MMD2: variants seen among roughly 807,000 people sequenced by gnomAD.
MMD2 encodes the protein monocyte to macrophage differentiation factor 2.
In MMD2, 30 loss-of-function variants were observed where a neutral mutation model predicts 33.5. The ratio of observed to expected loss-of-function variants is 0.90; its 90% confidence interval spans 0.67 to 1.22. The LOEUF (loss-of-function observed/expected upper bound fraction) is 1.22, where lower values mean the gene tolerates loss of function less well. Among genes scored for constraint, MMD2 ranks in the 50% most tolerant of loss-of-function variants. MMD2 has a pLI of 0.00. For missense variants in MMD2, 364 were observed against 325.4 expected, an observed-to-expected ratio of 1.12 and a Z score of -0.91; for synonymous variants, 129 against 123.0, an observed-to-expected ratio of 1.05 and a Z score of -0.32.
At chr7:4,931,633 T>A (rs552002307) in intron 1 of MMD2, among the ~76,000 whole-genome samples, 6 of 152,132 alleles carry the variant, frequency 3.9e-5, no homozygotes, top group Admixed American at 6.6e-5. Context: ...TCTCACTGTG[T>A]TGCTCAGGCT....
chr7:4,916,775 C>T (rs998408890), intron 3 of MMD2, among the ~76,000 whole-genome samples: 1 of 152,038 alleles, frequency 6.6e-6, no homozygotes, highest in Non-Finnish European at 1.5e-5. Context: ...ATTCTGTGGA[C>T]AAAGTGCAAA....
intron 6 of MMD2, among the ~76,000 whole-genome samples, chr7:4,908,681 G>A (rs1784926094): frequency 2.0e-5 from 3 of 151,388 alleles, no homozygotes. Flanking sequence ...GGCGGATCAC[G>A]AGGTCAGGAG....
At chr7:4,954,126 CCAGA>C (rs1786324105) in intron 1 of MMD2, among the ~76,000 whole-genome samples, 1 of 152,272 alleles carries the variant, frequency 6.6e-6, no homozygotes, top group Non-Finnish European at 1.5e-5. Context: ...GCCACTGCAC[CCAGA>C]CAGTTAGGCT....
At chr7:4,917,067 G>A (rs1785160143) in intron 3 of MMD2, among the ~76,000 whole-genome samples, 1 of 151,726 alleles carries the variant, frequency 6.6e-6, no homozygotes, top group Admixed American at 6.6e-5. Context: ...GCTAGATCCT[G>A]TCTCAAAAAA....
the MMD2 span, among the ~76,000 whole-genome samples, chr7:4,897,019 C>T: frequency 6.6e-6 from 1 of 151,914 alleles, no homozygotes; most frequent in Admixed American, 6.6e-5. Context: ...ACAACCACAG[C>T]CGGCTAATTT....
intron 1 of MMD2, among the ~76,000 whole-genome samples, chr7:4,951,811 A>T (rs544343117): frequency 1.8e-4 from 27 of 152,140 alleles, no homozygotes; most frequent in African/African-American, 5.8e-4. Flanking sequence ...TGTTGCCCAG[A>T]CTGGTCTGAA....
At position 4,907,240 on chromosome 7, in the gene MMD2, G is replaced by T; in HGVS notation, c.*156C>A. 1 of 667,088 alleles carries T rather than the reference G, an allele frequency of 1.5e-6. No homozygotes were observed. The highest frequency in any genetic ancestry group is 2.7e-5 in the East Asian group (1 of 37,654). 41.3% of individuals were successfully genotyped at this position (667,088 alleles called of 1,614,324 possible). On this transcript the variant is annotated 3_prime_UTR_variant, in exon 7 of 7. Coordinates refer to ENST00000401401, the MANE Select transcript of MMD2 (RefSeq NM_198403.4). ...ATGCTTTCTTTCTCGCTGGGGACTC[G>T]AGGGATGATCTGGCTGTCACCAGAA...
intron 3 of MMD2, among the ~76,000 whole-genome samples, chr7:4,916,334 C>T (rs559202050): frequency 7.3e-4 from 107 of 146,906 alleles, no homozygotes; most frequent in Non-Finnish European, 1.1e-3. Flanking sequence ...GAGGGCCTTG[C>T]GCCCCTACAG....
At chr7:4,920,084 G>A (rs1785236675) in intron 3 of MMD2, 87 bp downstream of exon 3, 18 of 1,417,766 alleles carry the variant, frequency 1.3e-5, no homozygotes, top group African/African-American at 1.4e-5. Context: ...CAGGCAGACC[G>A]GATATCCTGG....
intron 1 of MMD2, among the ~76,000 whole-genome samples, chr7:4,942,637 A>C (rs1451435236): frequency 6.8e-6 from 1 of 147,950 alleles, no homozygotes; most frequent in Non-Finnish European, 1.5e-5. Context: ...TTTGAGACAG[A>C]GTTTTGCTCT....
At chr7:4,903,819 G>T (rs551683455), downstream of MMD2, among the ~76,000 whole-genome samples, 1 of 152,222 alleles carries the variant, frequency 6.6e-6, no homozygotes, top group Non-Finnish European at 1.5e-5. Context: ...GCTGCCGACT[G>T]CTCTCCTGAC....
At chr7:4,955,819 A>C (rs1786367788) in intron 1 of MMD2, among the ~76,000 whole-genome samples, 2 of 152,146 alleles carry the variant, frequency 1.3e-5, no homozygotes, top group African/African-American at 4.8e-5. Flanking sequence ...TTGGAAAGCC[A>C]AGGTGGGTGG....
chr7:4,938,647 G>GT (rs1435226092), intron 1 of MMD2, among the ~76,000 whole-genome samples: 7 of 152,048 alleles, frequency 4.6e-5, no homozygotes, highest in Admixed American at 3.3e-4. Flanking sequence ...ACACAGCAAG[G>GT]GGCAAGGCCA....
chr7:4,920,304 T>G lies in MMD2; in HGVS notation c.157A>C (p.Ser53Arg). The G allele has an allele frequency of 6.2e-7, 1 of 1,609,262 alleles. No homozygotes were observed. The highest frequency in any genetic ancestry group is 8.5e-7 in the Non-Finnish European group (1 of 1,178,160). Residue 53 changes from serine (S) to arginine (R), a missense_variant, in exon 3 of 7, where the codon AGC (serine) becomes CGC (arginine). Coordinates refer to ENST00000401401, the MANE Select transcript of MMD2 (RefSeq NM_198403.4). ...AFWIIPSILG[S>R]SNLYFLSDDD... is the part of the protein sequence containing the mutation. ...TCCGACAGGAAGTAGAGGTTGGAGC[T>G]GCCCAGGATGCTGGGGATGATCCAG...
At chr7:4,922,601 A>C (rs148723370) in intron 2 of MMD2, among the ~76,000 whole-genome samples, 2 of 152,102 alleles carry the variant, frequency 1.3e-5, no homozygotes, top group African/African-American at 4.8e-5. Context: ...TAGAGATGGA[A>C]TCGCTCTCTG....
At chr7:4,917,040 C>A (rs189025056) in intron 3 of MMD2, among the ~76,000 whole-genome samples, 1 of 152,116 alleles carries the variant, frequency 6.6e-6, no homozygotes, top group African/African-American at 2.4e-5. Context: ...CCACTGCACT[C>A]CAGTCTGGGC....
intron 4 of MMD2, among the ~76,000 whole-genome samples, chr7:4,915,459 G>A (rs191652326): frequency 1.8e-3 from 268 of 151,900 alleles, no homozygotes; most frequent in African/African-American, 6.0e-3. Context: ...TGCTTTTCTG[G>A]ATGGGCACGG....
chr7:4,945,679 A>C (rs1316162754), intron 1 of MMD2, among the ~76,000 whole-genome samples: 1 of 152,070 alleles, frequency 6.6e-6, no homozygotes, highest in African/African-American at 2.4e-5. Flanking sequence ...GGTTCAAACG[A>C]TTCTCCTGCC....
chr7:4,940,028 C>G lies in MMD2; in HGVS notation c.48-14496G>C, dbSNP rs1250861915. 1.3e-5 allele frequency among the ~76,000 whole-genome samples: 2 copies of G among 152,204 alleles called. No homozygotes were observed. The highest frequency in any genetic ancestry group is 2.9e-5 in the Non-Finnish European group (2 of 68,050). On this transcript the variant is annotated intron_variant, in intron 1 of 6. Coordinates refer to ENST00000401401, the MANE Select transcript of MMD2 (RefSeq NM_198403.4). The surrounding 1 kb of genome is among the most constrained non-coding windows in gnomAD (Gnocchi z 5.0). The stretch of plus-strand genomic sequence containing the variant: ...AAGCGCTGGCATTACAGGCGTGAGC[C>G]ACCGCACCTGGCCCAATCTATTTCT...
Sources: allele counts gnomAD v4.1 joint callset (sites outside exome capture counted in the v4.1 genomes callset), GRCh38; gene constraint gnomAD v4.1.1; non-coding constraint Gnocchi (gnomAD v3.1); transcripts MANE v1.5; gene names NCBI Gene and HGNC (gene_info 2026-07-23, HGNC 2026-07-21).